The following ZSCAN12 variants were observed in gnomAD, a reference collection of about 807,000 sequenced individuals.
ZSCAN12 encodes zinc finger and SCAN domain-containing protein 12.
Under a neutral mutation model 23.4 loss-of-function variants are expected in ZSCAN12, and 18 were observed. The observed-to-expected ratio is 0.77, with a 90% CI of 0.53 to 1.14. ZSCAN12 has a LOEUF of 1.14. ZSCAN12 is among the 50% of genes most tolerant of loss of function. The probability of loss-of-function intolerance (pLI) is 0.00; values close to 1 mark genes in which losing one functional copy is unlikely to be tolerated. For missense variants in ZSCAN12, 650 were observed against 735.0 expected (o/e 0.88, Z 1.34); for synonymous variants, 186 against 253.4 (o/e 0.73, Z 2.53).
chr6:28,382,003 C>T (rs1760269741), downstream of ZSCAN12: 1 of 152,428 alleles, frequency 6.6e-6, no homozygotes, highest in Non-Finnish European at 1.5e-5. Context: ...GCTCCAGAGA[C>T]ATCTGGTGGA....
chr6:28,396,200 T>C (rs1761098338), intron 2 of ZSCAN12, among the ~76,000 whole-genome samples: 1 of 151,742 alleles, frequency 6.6e-6, no homozygotes, highest in East Asian at 1.9e-4. Context: ...TTTATAGAGA[T>C]GGGGGTCTCA....
downstream of ZSCAN12, chr6:28,381,096 G>A (rs566063602): frequency 6.6e-6 from 1 of 152,318 alleles, no homozygotes; most frequent in East Asian, 1.9e-4. Context: ...GACTGGAAGT[G>A]CATGGAAGAC....
chr6:28,391,210 A>G lies in ZSCAN12; in HGVS notation c.1080T>C (p.Cys360=). 6.4e-7 allele frequency: 1 copy of G among 1,551,932 alleles called. No homozygotes were observed. ...RLHTGEKHYH[C]NDCGKAFSQK... is the part of the protein sequence containing the mutation. ...GACTAAAGGCTTTGCCACAGTCATTACAGTGATAGTGTTTTTCTCCTGTGT... is the reference window on the plus strand; with the variant it reads ...GACTAAAGGCTTTGCCACAGTCATTGCAGTGATAGTGTTTTTCTCCTGTGT... The change falls in exon 4 of 4, where the codon TGT becomes TGC. Residue 360 remains cysteine (C), a synonymous_variant. Coordinates refer to ENST00000684592, the MANE Select transcript of ZSCAN12 (RefSeq NM_001163391.2). This position sits in a 1 kb window ranked among gnomAD's most constrained non-coding sequence, Gnocchi z 4.1.
rs1026010445 is a variant in ZSCAN12, at chr6:28,391,093, G to A, written c.1197C>T (p.Ser399=). The change falls in exon 4 of 4, where the codon TCC becomes TCT. Residue 399 remains serine, a synonymous_variant. Coordinates refer to ENST00000684592, the MANE Select transcript of ZSCAN12 (RefSeq NM_001163391.2). The surrounding 1 kb of genome is among the most constrained non-coding windows in gnomAD (Gnocchi z 4.1). The stretch of plus-strand genomic sequence containing the variant: ...GAACTCCTTGATGCTGAGTAAGTAT[G>A]GAACGCCGACTAAAACTTTTATTAC... ...TQCNKSFSRR[S]ILTQHQGVHT... is the part of the protein sequence containing the mutation. The A allele has an allele frequency of 5.8e-6, 9 of 1,552,142 alleles. No homozygotes were observed. The South Asian group carries it at 9.5e-5, about 16-fold the overall frequency.
intron 2 of ZSCAN12, among the ~76,000 whole-genome samples, chr6:28,395,789 A>T (rs1761078754): frequency 6.6e-6 from 1 of 152,156 alleles, no homozygotes; most frequent in African/African-American, 2.4e-5. Context: ...TGATAAGTAC[A>T]TTCTCACTTT....
At chr6:28,394,003 T>G (rs1354780270) in intron 2 of ZSCAN12, among the ~76,000 whole-genome samples, 1 of 152,160 alleles carries the variant, frequency 6.6e-6, no homozygotes, top group South Asian at 2.1e-4. Flanking sequence ...TAGGATGATG[T>G]CTTCTCTTTT....
Position 28,390,405 on chromosome 6 carries a change from T to C in ZSCAN12, c.*49A>G, listed in dbSNP as rs753490313. The stretch of plus-strand genomic sequence containing the variant: ...TTGCCCCAATAATTGTAAAGCTAAA[T>C]AGTATTTCTCACCGGCCTGAACTCT... On this transcript the variant is annotated 3_prime_UTR_variant, in exon 4 of 4. Transcript: ENST00000684592. 3.5e-6 allele frequency: 5 copies of C among 1,415,798 alleles called. No homozygotes were observed. The highest frequency in any genetic ancestry group is 2.7e-5 in the Admixed American group (1 of 36,736). 87.7% of individuals were successfully genotyped at this position (1,415,798 alleles called of 1,614,324 possible). A position where few individuals can be genotyped will look rare whatever the true frequency, so the allele number is the denominator to read the frequency against.
chr6:28,395,623 C>A (rs1454697292), intron 2 of ZSCAN12, among the ~76,000 whole-genome samples: 1 of 152,208 alleles, frequency 6.6e-6, no homozygotes, highest in South Asian at 2.1e-4. Flanking sequence ...TTTTAAAATT[C>A]AAGTCAGATT....
At chr6:28,392,469 C>A (rs9468367) in intron 3 of ZSCAN12, among the ~76,000 whole-genome samples, 53,822 of 152,098 alleles carry the variant, frequency 0.35, 10,246 homozygotes, top group African/African-American at 0.49. Context: ...AGCCACCGCA[C>A]CCAGCCTGTT....
At chr6:28,399,347 A>G (rs559987070) in intron 1 of ZSCAN12, among the ~76,000 whole-genome samples, 1 of 152,346 alleles carries the variant, frequency 6.6e-6, no homozygotes, top group East Asian at 1.9e-4. Flanking sequence ...GGTCCCTAGG[A>G]CGCCGGCGAG....
chr6:28,390,333 T>G lies in ZSCAN12; in HGVS notation c.*121A>C. ...GTACAATGGGCAGCACACAGTGAAT[T>G]CTTATTAAATATCTGAGGTTTCCTT... On this transcript the variant is annotated 3_prime_UTR_variant, in exon 4 of 4. Transcript: ENST00000684592. 1.3e-6 allele frequency: 1 copy of G among 753,408 alleles called. No individual in the cohort carries two copies. Among genetic ancestry groups the G allele is most frequent in the Non-Finnish European group, 2.0e-6 (1 of 493,794 alleles). The allele number at this position is 753,408 out of a possible 1,614,324, so 46.7% of individuals were successfully genotyped here.
intron 2 of ZSCAN12, among the ~76,000 whole-genome samples, chr6:28,394,799 C>T (rs1469631794): frequency 2.0e-5 from 3 of 152,082 alleles, no homozygotes; most frequent in Admixed American, 6.5e-5. Flanking sequence ...AAATACTATG[C>T]GTATTCTGAA....
In ZSCAN12 at chr6:28,391,217, T is replaced by C; in HGVS notation, c.1073A>G (p.Tyr358Cys). ...GGCTTTGCCACAGTCATTACAGTGA[T>C]AGTGTTTTTCTCCTGTGTGAAGTCT... ...HQRLHTGEKH[Y>C]HCNDCGKAFS... The change falls in exon 4 of 4, where the codon TAT (tyrosine) becomes TGT (cysteine). Residue 358 changes from tyrosine to cysteine, a missense_variant. Tyr to Cys is a radical substitution (Grantham distance 194, BLOSUM62 -2). Transcript: ENST00000684592. The surrounding 1 kb of genome is among the most constrained non-coding windows in gnomAD (Gnocchi z 4.1). 6.4e-7 allele frequency: 1 copy of C among 1,551,922 alleles called. No individual in the cohort carries two copies. The highest frequency in any genetic ancestry group is 2.0e-5 in the Admixed American group (1 of 51,016).
At position 28,392,922 on chromosome 6, in the gene ZSCAN12, A is replaced by G. The variant is rs1045587996; in HGVS notation, c.527T>C (p.Leu176Pro). 1 of 1,552,026 alleles carries G rather than the reference A, an allele frequency of 6.4e-7. No individual in the cohort carries two copies. The highest frequency in any genetic ancestry group is 1.4e-5 in the African/African-American group (1 of 72,996). ...KAQPKYESPE[L>P]ESQQEQVLDV... The stretch of plus-strand genomic sequence containing the variant: ...TTTACCTTGCTCCTGTTGGGATTCA[A>G]GTTCTGGAGATTCATACTTTGGCTG... The change falls in exon 3 of 4, where the codon CTT becomes CCT. Residue 176 changes from leucine to proline, a missense_variant. Transcript: ENST00000684592.
At chr6:28,398,761 C>CAAAAAAAAA (rs775480746) in intron 1 of ZSCAN12, among the ~76,000 whole-genome samples, 341 of 70,116 alleles carry the variant, frequency 4.9e-3, no homozygotes, top group Non-Finnish European at 5.9e-3. Flanking sequence ...ACTAAAAATA[C>CAAAAAAAAA]AAAAAAAAAA....
At chr6:28,382,661 T>C, downstream of ZSCAN12, 11 of 1,539,784 alleles carry the variant, frequency 7.1e-6, no homozygotes, top group Non-Finnish European at 8.8e-6. Flanking sequence ...TTTACTTCTT[T>C]AGCCAAGAAC....
Position 28,392,974 on chromosome 6 carries a change from T to C in ZSCAN12, c.475A>G (p.Ser159Gly). Residue 159 changes from serine to glycine, a missense_variant, in exon 3 of 4, where the codon AGT becomes GGT. Transcript: ENST00000684592. ...TVRLRKEGEP[S>G]MSLQSMKAQP... ...GCTTTCATGGACTGGAGGGACATACTGGGTTCTCCTTCTTTTCGTAGACGT... is the reference window on the plus strand; with the variant it reads ...GCTTTCATGGACTGGAGGGACATACCGGGTTCTCCTTCTTTTCGTAGACGT... The C allele has an allele frequency of 6.4e-7, 1 of 1,552,202 alleles. No homozygotes were observed. The highest frequency in any genetic ancestry group is 8.7e-7 in the Non-Finnish European group (1 of 1,147,082).
At chr6:28,394,222 T>C (rs531442729) in intron 2 of ZSCAN12, among the ~76,000 whole-genome samples, 1 of 152,320 alleles carries the variant, frequency 6.6e-6, no homozygotes, top group African/African-American at 2.4e-5. Context: ...ATGGATTACT[T>C]ACTCTCTCTC....
In ZSCAN12 at chr6:28,398,300, T is replaced by C. The variant is rs758898182; in HGVS notation, c.106A>G (p.Lys36Glu). 1 of 1,589,056 alleles carries C rather than the reference T, an allele frequency of 6.3e-7. No individual in the cohort carries two copies. Among genetic ancestry groups the C allele is most frequent in the South Asian group, 1.1e-5 (1 of 88,066 alleles). The part of the protein sequence containing the change: ...YTTRQDWDLR[K>E]NNTHSREVFR... ...ACCTCTCTGCTATGGGTGTTGTTTT[T>C]ACGCAGGTCCCAATCCTGTCTGGTG... Residue 36 changes from lysine to glutamate, a missense_variant, in exon 2 of 4, where the codon AAA becomes GAA. Transcript: ENST00000684592.
Sources: gnomAD v4.1 joint callset for allele counts (sites outside exome capture counted in the v4.1 genomes callset) on GRCh38, gnomAD v4.1.1 for gene constraint, Gnocchi (gnomAD v3.1) non-coding constraint, MANE v1.5 for transcripts, NCBI Gene and HGNC (gene_info 2026-07-23, HGNC 2026-07-21) for gene names.